DMXL2: variants seen among roughly 807,000 people sequenced by gnomAD.
The protein encoded by DMXL2 is dmX-like protein 2.
A neutral mutation model predicts 331.1 loss-of-function variants in DMXL2; 103 were observed. The ratio of observed to expected loss-of-function variants is 0.31; its 90% CI spans 0.27 to 0.37. The LOEUF is 0.37. Ranked by LOEUF, DMXL2 falls within the 10% of genes least tolerant of loss-of-function variation. The pLI is 1.00. For synonymous variants in DMXL2, 1,281 were observed against 1,252.1 expected, an observed-to-expected ratio of 1.02 and a Z score of -0.49; for missense variants, 3,171 against 3,642.9, an observed-to-expected ratio of 0.87 and a Z score of 3.33.
In DMXL2 at chr15:51,500,945, C is replaced by G. The variant is rs993072815; in HGVS notation, c.2993-714G>C. 1.6e-4 allele frequency among the ~76,000 whole-genome samples: 24 copies of G among 152,314 alleles called. No individual in the cohort carries two copies. The South Asian group carries it at 4.3e-3, about 28-fold the overall frequency. ...AATAATTTCATTAACAGTGGGAAAG[C>G]TACTTAATCATCTGAGCCTATTCCA... On this transcript the variant is annotated intron_variant, in intron 17 of 43. Coordinates refer to ENST00000560891, the MANE Select transcript of DMXL2 (RefSeq NM_001378457.1).
At chr15:51,520,935 C>T (rs2047324880) in intron 13 of DMXL2, among the ~76,000 whole-genome samples, 1 of 152,130 alleles carries the variant, frequency 6.6e-6, no homozygotes, top group Non-Finnish European at 1.5e-5. Context: ...AATTCGAGTG[C>T]AGTTTTTCTT....
intron 2 of DMXL2, among the ~76,000 whole-genome samples, chr15:51,569,148 C>A (rs996027954): frequency 9.9e-5 from 15 of 152,178 alleles, no homozygotes; most frequent in African/African-American, 3.4e-4. Context: ...TCTGGTTCAG[C>A]GGGTCCCACC....
At chr15:51,546,485 G>C (rs1335263712) in intron 7 of DMXL2, among the ~76,000 whole-genome samples, 3 of 151,882 alleles carry the variant, frequency 2.0e-5, no homozygotes, top group African/African-American at 7.3e-5. Context: ...TTTCCTATCA[G>C]GCATAAACAA....
chr15:51,454,285 A>G (rs1325721571), intron 40 of DMXL2: 1 of 152,234 alleles, frequency 6.6e-6, no homozygotes, highest in Non-Finnish European at 1.5e-5. Context: ...CCCTCCATAT[A>G]TGTGAAGCCT....
intron 6 of DMXL2, among the ~76,000 whole-genome samples, chr15:51,547,635 A>G (rs1270529179): frequency 6.6e-6 from 1 of 152,158 alleles, no homozygotes; most frequent in Non-Finnish European, 1.5e-5. Context: ...TTGTTTTTCA[A>G]ATGCAGACTG....
At chr15:51,587,703 C>T (rs1369917783) in intron 1 of DMXL2, among the ~76,000 whole-genome samples, 1 of 152,172 alleles carries the variant, frequency 6.6e-6, no homozygotes, top group South Asian at 2.1e-4. Context: ...ATGGCTGGGT[C>T]AGATGGTATT....
intron 1 of DMXL2, among the ~76,000 whole-genome samples, chr15:51,613,840 C>A (rs1488164425): frequency 1.3e-5 from 2 of 152,160 alleles, no homozygotes; most frequent in African/African-American, 4.8e-5. Context: ...CAGAATCTTG[C>A]TTCTATCCAA....
chr15:51,612,336 A>G (rs888468453), intron 1 of DMXL2, among the ~76,000 whole-genome samples: 54 of 152,358 alleles, frequency 3.5e-4, no homozygotes, highest in African/African-American at 1.3e-3. Context: ...TCAAATCGTC[A>G]CATTAGTACA....
chr15:51,570,607 C>G (rs1213739473), intron 2 of DMXL2, among the ~76,000 whole-genome samples: 2 of 152,140 alleles, frequency 1.3e-5, no homozygotes, highest in African/African-American at 4.8e-5. Flanking sequence ...GGAAGAAACC[C>G]TATAAGCCAG....
Position 51,536,478 on chromosome 15 carries a change from A to G in DMXL2, c.2002T>C (p.Ser668Pro). 1 of 1,614,048 alleles carries G rather than the reference A, an allele frequency of 6.2e-7. No homozygotes were observed. The highest frequency in any genetic ancestry group is 1.1e-5 in the South Asian group (1 of 91,074). ...CHSVLPLLLT[S>P]SHHNALLTPE... ...GTCAATAGAGCATTATGATGAGAGG[A>G]TGTCAATAACAGTGGTAAAACTGAA... Residue 668 changes from serine to proline, a missense_variant, in exon 12 of 44, where the codon TCC becomes CCC. Physicochemically the swap from Ser to Pro is moderately conservative, Grantham distance 74 (BLOSUM62 -1). Around this residue, in one of 7 missense-constraint regions of DMXL2, gnomAD observed 1,674 missense variants for 1,780.2 expected, o/e 0.94. Coordinates refer to ENST00000560891, the MANE Select transcript of DMXL2 (RefSeq NM_001378457.1).
At chr15:51,552,280 AG>A (rs1455273225) in intron 6 of DMXL2, among the ~76,000 whole-genome samples, 1 of 152,206 alleles carries the variant, frequency 6.6e-6, no homozygotes, top group Non-Finnish European at 1.5e-5. Context: ...CGGCATGTTC[AG>A]GTGGCTGGCT....
Position 51,474,474 on chromosome 15 carries a change from A to G in DMXL2, c.7083T>C (p.Leu2361=). Residue 2361 remains leucine (L), a synonymous_variant, in exon 28 of 44, where the codon CTT becomes CTC. Coordinates refer to ENST00000560891, the MANE Select transcript of DMXL2 (RefSeq NM_001378457.1). ...AVYLSLLIHA[L]ATNSSSELFR... ...ATAATTCACTGGAGGAATTTGTGGC[A>G]AGAGCATGTATCAATAAACTTAAGT... 1 of 1,614,192 alleles carries G rather than the reference A, an allele frequency of 6.2e-7. No individual in the cohort carries two copies. Among genetic ancestry groups the G allele is most frequent in the South Asian group, 1.1e-5 (1 of 91,088 alleles).
At chr15:51,504,864 T>C (rs1160336936) in intron 16 of DMXL2, among the ~76,000 whole-genome samples, 1 of 152,206 alleles carries the variant, frequency 6.6e-6, no homozygotes, top group Non-Finnish European at 1.5e-5. Context: ...ATCATTTCTC[T>C]TCCTGTAAAT....
chr15:51,528,946 T>C (rs887366655), intron 13 of DMXL2, among the ~76,000 whole-genome samples: 1 of 152,004 alleles, frequency 6.6e-6, no homozygotes, highest in Non-Finnish European at 1.5e-5. Flanking sequence ...TAGAAATCAA[T>C]AACAAGGAAT....
intron 18 of DMXL2, among the ~76,000 whole-genome samples, chr15:51,497,314 C>G (rs923785302): frequency 5.3e-5 from 8 of 152,158 alleles, no homozygotes; most frequent in African/African-American, 1.9e-4. Flanking sequence ...ACCTTTCCCC[C>G]ACAGATCTGG....
chr15:51,504,717 G>C (rs904579979), intron 16 of DMXL2, among the ~76,000 whole-genome samples: 1 of 152,050 alleles, frequency 6.6e-6, no homozygotes, highest in African/African-American at 2.4e-5. Context: ...AATGAAATAA[G>C]ACTACAAACT....
At chr15:51,485,412 C>T (rs1243779204) in intron 23 of DMXL2, among the ~76,000 whole-genome samples, 1 of 152,118 alleles carries the variant, frequency 6.6e-6, no homozygotes, top group African/African-American at 2.4e-5. Context: ...AGGAAACAAC[C>T]AAAGGAAATG....
chr15:51,486,283 A>T lies in DMXL2; in HGVS notation c.5272T>A (p.Tyr1758Asn). 6.2e-7 allele frequency: 1 copy of T among 1,610,604 alleles called. No individual in the cohort carries two copies. Among genetic ancestry groups the T allele is most frequent in the East Asian group, 2.2e-5 (1 of 44,798 alleles). ...GATGAAGTCTCAAATTCAGATTCAT[A>T]TAAACGGGCAATAACCATGGCTAGC... is the stretch of plus-strand genomic sequence containing the variant. ...IQLAMVIARLYESEFETSSTY... is the reference protein window; with the variant it reads ...IQLAMVIARLNESEFETSSTY... The change falls in exon 23 of 44, where the codon TAT becomes AAT. Residue 1758 changes from tyrosine (Y) to asparagine (N), a missense_variant. Tyr to Asn is a moderately radical substitution (Grantham distance 143). This residue lies in a region of DMXL2 where 252 missense variants were observed against 387.4 expected (regional missense o/e 0.65). Coordinates refer to ENST00000560891, the MANE Select transcript of DMXL2 (RefSeq NM_001378457.1).
At position 51,536,285 on chromosome 15, in the gene DMXL2, G is replaced by C; in HGVS notation, c.2195C>G (p.Pro732Arg). The part of the protein sequence containing the change: ...YSELILWRVD[P>R]IGPLSYTGGV... ...TCCAGTGTATGACAAAGGTCCTATT[G>C]GGTCTACACGCCACAGAATAAGTTC... Residue 732 changes from proline (P) to arginine (R), a missense_variant, in exon 12 of 44, where the codon CCA (proline) becomes CGA (arginine). By Grantham distance (103) the Pro-to-Arg change is moderately radical. Transcript: ENST00000560891. 2 of 1,613,864 alleles carry C rather than the reference G, an allele frequency of 1.2e-6. No homozygotes were observed. Among genetic ancestry groups the C allele is most frequent in the Non-Finnish European group, 1.7e-6 (2 of 1,179,874 alleles).
Sources: gnomAD v4.1 joint callset for allele counts (sites outside exome capture counted in the v4.1 genomes callset) on GRCh38, gnomAD v4.1.1 for gene constraint, gnomAD v4.1.1 regional missense constraint, MANE v1.5 for transcripts, NCBI Gene and HGNC (gene_info 2026-07-23, HGNC 2026-07-21) for gene names.